Variants in ST6GALNAC5 observed in about 807,000 individuals in gnomAD.
The protein encoded by ST6GALNAC5 is ST6 N-acetylgalactosaminide alpha-2,6-sialyltransferase 5, also known as alpha-N-acetylgalactosaminide alpha-2,6-sialyltransferase 5.
A neutral mutation model predicts 33.6 loss-of-function variants in ST6GALNAC5; 27 were observed. The ratio of observed to expected loss-of-function variants is 0.80; its 90% CI spans 0.59 to 1.11. The LOEUF (loss-of-function observed/expected upper bound fraction) is 1.11, where lower values mean the gene tolerates loss of function less well. ST6GALNAC5 is among the 50% of genes least tolerant of loss of function. The pLI is 0.00. For missense variants in ST6GALNAC5, 428 were observed against 454.0 expected (o/e 0.94, Z 0.52); for synonymous variants, 194 against 171.2 (o/e 1.13, Z -1.04).
intron 2 of ST6GALNAC5, among the ~76,000 whole-genome samples, chr1:76,903,878 CAGAA>C (rs1374352844): frequency 3.9e-5 from 6 of 152,068 alleles, no homozygotes; most frequent in Non-Finnish European, 7.4e-5. Flanking sequence ...TCCATACAAA[CAGAA>C]AGTAGATTAG....
intron 2 of ST6GALNAC5, 134 bp from the exon 3 acceptor site, chr1:77,044,070 G>C: frequency 1.0e-6 from 1 of 993,164 alleles, no homozygotes; most frequent in Non-Finnish European, 1.4e-6. Flanking sequence ...ATAGCAGAAG[G>C]GATATACTCT....
chr1:76,966,099 T>A (rs970088552), intron 2 of ST6GALNAC5, among the ~76,000 whole-genome samples: 2 of 152,356 alleles, frequency 1.3e-5, no homozygotes, highest in Admixed American at 6.5e-5. Flanking sequence ...GGCTCCTTTT[T>A]GGATCCATAT....
chr1:76,971,504 A>G (rs1039904999), intron 2 of ST6GALNAC5, among the ~76,000 whole-genome samples: 1 of 152,198 alleles, frequency 6.6e-6, no homozygotes, highest in African/African-American at 2.4e-5. Context: ...TATTAAGATG[A>G]TTATATCACA....
Position 76,973,187 on chromosome 1 carries a change from C to T in ST6GALNAC5, c.262-71017C>T, listed in dbSNP as rs1024294931. ...GTATATGGTAGAATTTTTCATAATT[C>T]CTACAGTGTTTGTCAGTGTTCTTCA... is the stretch of plus-strand genomic sequence containing the variant. On this transcript the variant is annotated intron_variant, in intron 2 of 4. Coordinates refer to ENST00000477717, the MANE Select transcript of ST6GALNAC5 (RefSeq NM_030965.3). Among the ~76,000 whole-genome samples, 4 of 151,670 alleles carry T rather than the reference C, an allele frequency of 2.6e-5. No individual in the cohort carries two copies. The East Asian group carries it at 5.8e-4, about 22-fold the overall frequency.
intron 2 of ST6GALNAC5, among the ~76,000 whole-genome samples, chr1:76,956,850 G>T (rs1648017047): frequency 6.6e-6 from 1 of 152,122 alleles, no homozygotes; most frequent in Admixed American, 6.5e-5. Context: ...ATTAAGTGCG[G>T]TGTTTAACAT....
At chr1:77,052,517 G>GTATT (rs201529213) in intron 4 of ST6GALNAC5, among the ~76,000 whole-genome samples, 4,637 of 152,158 alleles carry the variant, frequency 0.03, 174 homozygotes, top group Admixed American at 0.11. Context: ...GCAGTTCCTA[G>GTATT]CACACAGTAT....
chr1:76,931,832 G>A (rs1450443055), intron 2 of ST6GALNAC5, among the ~76,000 whole-genome samples: 2 of 152,058 alleles, frequency 1.3e-5, no homozygotes, highest in Non-Finnish European at 2.9e-5. Context: ...CATTAAAGAA[G>A]GCTAAGGACA....
chr1:76,987,777 G>A (rs1257971178), intron 2 of ST6GALNAC5, among the ~76,000 whole-genome samples: 6 of 152,124 alleles, frequency 3.9e-5, no homozygotes, highest in Non-Finnish European at 8.8e-5. Context: ...TGAAGTACTT[G>A]ATGCTTTTGC....
intron 2 of ST6GALNAC5, among the ~76,000 whole-genome samples, chr1:76,930,629 AT>A (rs909705697): frequency 2.0e-5 from 3 of 152,180 alleles, no homozygotes; most frequent in South Asian, 4.2e-4. Flanking sequence ...CAAGTCAGGA[AT>A]TTTTTTCTTC....
At chr1:76,921,175 G>A (rs551398778) in intron 2 of ST6GALNAC5, among the ~76,000 whole-genome samples, 24 of 152,238 alleles carry the variant, frequency 1.6e-4, no homozygotes, top group South Asian at 6.2e-4. Flanking sequence ...TGGCATGGCC[G>A]CAGAGGAGAA....
chr1:76,933,343 C>G (rs1450560439), intron 2 of ST6GALNAC5, among the ~76,000 whole-genome samples: 1 of 151,692 alleles, frequency 6.6e-6, no homozygotes, highest in Non-Finnish European at 1.5e-5. Context: ...ATTCTAGGCT[C>G]CAGATAAGGA....
intron 2 of ST6GALNAC5, among the ~76,000 whole-genome samples, chr1:76,983,955 C>T (rs780704160): frequency 2.6e-5 from 4 of 152,100 alleles, no homozygotes; most frequent in Non-Finnish European, 4.4e-5. Context: ...GATGTTCTTT[C>T]AAATCAATGA....
intron 2 of ST6GALNAC5, among the ~76,000 whole-genome samples, chr1:76,921,144 G>T (rs1647030934): frequency 6.6e-6 from 1 of 151,952 alleles, no homozygotes; most frequent in Non-Finnish European, 1.5e-5. Context: ...GAAGATGAAA[G>T]AAAAAAGAAA....
chr1:76,948,266 G>T (rs1175055330), intron 2 of ST6GALNAC5, among the ~76,000 whole-genome samples: 1 of 152,112 alleles, frequency 6.6e-6, no homozygotes, highest in Non-Finnish European at 1.5e-5. Flanking sequence ...GGAGATTGGG[G>T]AGTGGGTGGC....
intron 2 of ST6GALNAC5, among the ~76,000 whole-genome samples, chr1:76,959,395 CTT>C (rs1445361658): frequency 1.3e-5 from 2 of 152,186 alleles, no homozygotes; most frequent in Non-Finnish European, 2.9e-5. Context: ...ACATTTAACT[CTT>C]TCATTCTTCT....
chr1:76,980,458 T>C (rs1649203478), intron 2 of ST6GALNAC5, among the ~76,000 whole-genome samples: 1 of 152,212 alleles, frequency 6.6e-6, no homozygotes, highest in Non-Finnish European at 1.5e-5. Flanking sequence ...TAAAGGTGTA[T>C]ACTTCATTAT....
intron 2 of ST6GALNAC5, among the ~76,000 whole-genome samples, chr1:76,977,582 G>A (rs1649063159): frequency 1.3e-5 from 2 of 152,056 alleles, no homozygotes; most frequent in Admixed American, 1.3e-4. Flanking sequence ...GTCCTTCTGT[G>A]CCTGGCTTAC....
In ST6GALNAC5 at chr1:77,065,957, C is replaced by T. The variant is rs974740085; in HGVS notation, c.*2751C>T. 3.3e-5 allele frequency among the ~76,000 whole-genome samples: 5 copies of T among 152,098 alleles called. No homozygotes were observed. Among genetic ancestry groups the T allele is most frequent in the Admixed American group, 2.0e-4 (3 of 15,266 alleles). On this transcript the variant is annotated 3_prime_UTR_variant, in exon 5 of 5. Transcript: ENST00000477717. ...TAGATAGCCATTATGGGCAAAGATA[C>T]GGGAATTTGCAAACAAAATCAATCA...
chr1:76,894,369 C>T (rs1654078748), intron 2 of ST6GALNAC5, among the ~76,000 whole-genome samples: 1 of 152,084 alleles, frequency 6.6e-6, no homozygotes, highest in African/African-American at 2.4e-5. Context: ...CCTGTGGCAG[C>T]AATGTTTGCG....
Sources: allele counts gnomAD v4.1 joint callset (sites outside exome capture counted in the v4.1 genomes callset), GRCh38; gene constraint gnomAD v4.1.1; transcripts MANE v1.5; gene names NCBI Gene and HGNC (gene_info 2026-07-23, HGNC 2026-07-21).